NPTN: variants seen among roughly 807,000 people sequenced by gnomAD.
NPTN encodes neuroplastin.
NPTN carries 5 observed loss-of-function variants against 42.7 expected under a neutral mutation model. That is an observed-to-expected ratio of 0.12 (90% confidence interval 0.06 to 0.25). The LOEUF is 0.25. Among genes scored for constraint, NPTN ranks in the 10% least tolerant of loss-of-function variants. The probability of loss-of-function intolerance (pLI) is 1.00; values close to 1 mark genes in which losing one functional copy is unlikely to be tolerated. For missense variants in NPTN, 307 were observed against 525.4 expected (o/e 0.58, Z 4.06); for synonymous variants, 180 against 201.9 (o/e 0.89, Z 0.92).
At chr15:73,591,935 C>T (rs1437896508) in intron 3 of NPTN, 31 bp downstream of exon 3, 2 of 1,586,888 alleles carry the variant, frequency 1.3e-6, no homozygotes, top group African/African-American at 2.7e-5. Flanking sequence ...CACTCCCTCC[C>T]ACCTTCCCAG....
chr15:73,616,321 C>T (rs1010712969), intron 1 of NPTN, among the ~76,000 whole-genome samples: 1 of 152,114 alleles, frequency 6.6e-6, no homozygotes, highest in Non-Finnish European at 1.5e-5. Flanking sequence ...CCTAAAGATT[C>T]TTTGGAACAC....
At chr15:73,576,152 AT>A (rs993199608) in intron 4 of NPTN, among the ~76,000 whole-genome samples, 1 of 152,170 alleles carries the variant, frequency 6.6e-6, no homozygotes, top group Non-Finnish European at 1.5e-5. Context: ...AAGGGTTACC[AT>A]GTGCTGCTCC....
Position 73,633,138 on chromosome 15 carries a change from G to A in NPTN, c.78C>T (p.Gly26=). Residue 26 remains glycine, a synonymous_variant, in exon 1 of 9, where the codon GGC becomes GGT. Transcript: ENST00000345330. ...LVSGSLLPGP[G]AAQNAGFVKS... is the part of the protein sequence containing the mutation. ...CGCCCCGCTTACCGTTCTGAGCGGCGCCTGGCCCTGGGAGGAGGGAGCCAG... is the reference window on the plus strand; with the variant it reads ...CGCCCCGCTTACCGTTCTGAGCGGCACCTGGCCCTGGGAGGAGGGAGCCAG... The A allele has an allele frequency of 6.7e-7, 1 of 1,493,752 alleles. No homozygotes were observed. Among genetic ancestry groups the A allele is most frequent in the Non-Finnish European group, 8.9e-7 (1 of 1,129,262 alleles). 92.5% of individuals were successfully genotyped at this position (1,493,752 alleles called of 1,614,324 possible).
At chr15:73,630,037 T>C (rs988667257) in intron 1 of NPTN, among the ~76,000 whole-genome samples, 10 of 152,144 alleles carry the variant, frequency 6.6e-5, no homozygotes, top group Non-Finnish European at 1.3e-4. Flanking sequence ...AACAATCAAG[T>C]TTTCAATATA....
At chr15:73,613,823 T>C (rs537852867) in intron 1 of NPTN, among the ~76,000 whole-genome samples, 2 of 151,950 alleles carry the variant, frequency 1.3e-5, no homozygotes, top group African/African-American at 4.8e-5. Context: ...GTAACTGGGA[T>C]TACAGGCGCC....
At chr15:73,566,319 G>A (rs1299205783) in intron 6 of NPTN, among the ~76,000 whole-genome samples, 4 of 152,156 alleles carry the variant, frequency 2.6e-5, no homozygotes, top group Non-Finnish European at 4.4e-5. Flanking sequence ...TCATTCTAAA[G>A]TGTCTAAAAG....
rs149640107 is a variant in NPTN at position 73,580,441 on chromosome 15, A to T, written c.707-6646T>A. Among the ~76,000 whole-genome samples, 549 of 113,710 alleles carry T rather than the reference A, an allele frequency of 4.8e-3. 11 individuals are homozygous for T. Among genetic ancestry groups the T allele is most frequent in the African/African-American group, 0.021 (497 of 23,966 alleles). The allele number at this position is 113,710 out of a possible 152,430, so 74.6% of individuals were successfully genotyped here. A position where few individuals can be genotyped will look rare whatever the true frequency, so the allele number is the denominator to read the frequency against. On this transcript the variant is annotated intron_variant, in intron 4 of 8. Transcript: ENST00000345330. ...TATATAATATATATATAATATATAT[A>T]ATATATATGTATATATACAAAATAT...
intron 1 of NPTN, among the ~76,000 whole-genome samples, chr15:73,625,650 T>C (rs1292571062): frequency 1.3e-5 from 2 of 152,174 alleles, no homozygotes; most frequent in Non-Finnish European, 2.9e-5. Flanking sequence ...ATTTTTCAAG[T>C]AATTTCAACA....
At chr15:73,604,836 T>C (rs1354396947) in intron 1 of NPTN, among the ~76,000 whole-genome samples, 2 of 152,172 alleles carry the variant, frequency 1.3e-5, no homozygotes, top group Non-Finnish European at 2.9e-5. Context: ...AGGTAAAGAA[T>C]GATCTAAGGC....
intron 4 of NPTN, among the ~76,000 whole-genome samples, chr15:73,574,348 A>G (rs1454744651): frequency 6.6e-6 from 1 of 152,232 alleles, no homozygotes; most frequent in Admixed American, 6.5e-5. Flanking sequence ...GAGGGAATCC[A>G]GAAACTGGTC....
At chr15:73,612,033 T>C (rs1293870025) in intron 1 of NPTN, among the ~76,000 whole-genome samples, 1 of 152,122 alleles carries the variant, frequency 6.6e-6, no homozygotes, top group African/African-American at 2.4e-5. Context: ...AAATGATACA[T>C]AAATGCAAAG....
intron 4 of NPTN, among the ~76,000 whole-genome samples, chr15:73,581,368 A>AG (rs1566966620): frequency 6.6e-6 from 1 of 152,098 alleles, no homozygotes; most frequent in East Asian, 1.9e-4. Flanking sequence ...TTACCCTCTT[A>AG]GGGGGGCACA....
chr15:73,619,470 G>C (rs1898025367), intron 1 of NPTN, among the ~76,000 whole-genome samples: 2 of 152,078 alleles, frequency 1.3e-5, no homozygotes, highest in African/African-American at 4.8e-5. Context: ...CACTTCTATG[G>C]AACAACTTAA....
Position 73,575,974 on chromosome 15 carries a change from C to T in NPTN, c.707-2179G>A, listed in dbSNP as rs555908382. On this transcript the variant is annotated intron_variant, in intron 4 of 8. Transcript: ENST00000345330. ...TCTTACTACAGAAGGAAGTGGTCAA[C>T]CTGGCTCTATCTCATTCCCACAAAG... Among the ~76,000 whole-genome samples, 33 of 152,322 alleles carry T rather than the reference C, an allele frequency of 2.2e-4. No homozygotes were observed. The South Asian group carries it at 2.7e-3, about 12-fold the overall frequency.
intron 3 of NPTN, among the ~76,000 whole-genome samples, chr15:73,589,561 T>C (rs530447488): frequency 7.9e-5 from 12 of 152,240 alleles, no homozygotes; most frequent in African/African-American, 2.6e-4. Flanking sequence ...AATAGTTATA[T>C]AGGGCTGAGT....
chr15:73,620,758 C>T (rs1241385273), intron 1 of NPTN, among the ~76,000 whole-genome samples: 1 of 152,182 alleles, frequency 6.6e-6, no homozygotes, highest in East Asian at 1.9e-4. Context: ...AAGAGCTGTT[C>T]ACCTTTTCAG....
intron 2 of NPTN, among the ~76,000 whole-genome samples, chr15:73,593,382 C>T (rs1896686925): frequency 6.6e-6 from 1 of 152,190 alleles, no homozygotes; most frequent in African/African-American, 2.4e-5. Flanking sequence ...CTTTTCCCAA[C>T]CACAATAAGA....
Position 73,560,221 on chromosome 15 carries a change from T to C in NPTN, c.*842A>G, listed in dbSNP as rs962061565. On this transcript the variant is annotated 3_prime_UTR_variant, in exon 9 of 9. Coordinates refer to ENST00000345330, the MANE Select transcript of NPTN (RefSeq NM_012428.4). ...ACCAAAAAGTATAACTATAGTTGCA[T>C]AGAATATTACCATGCTATAACATTT... 10 of 219,820 alleles carry C rather than the reference T, an allele frequency of 4.5e-5. No individual in the cohort carries two copies. Among genetic ancestry groups the C allele is most frequent in the Non-Finnish European group, 2.7e-5 (3 of 112,732 alleles). The allele number at this position is 219,820 out of a possible 1,614,324, so 13.6% of individuals were successfully genotyped here.
At chr15:73,567,464 G>A in intron 6 of NPTN, 4 of 985,264 alleles carry the variant, frequency 4.1e-6, no homozygotes, top group South Asian at 4.7e-5. Context: ...ATTCCAAAAG[G>A]AGTGTACGTA....
Sources: allele counts gnomAD v4.1 joint callset (sites outside exome capture counted in the v4.1 genomes callset), GRCh38; gene constraint gnomAD v4.1.1; transcripts MANE v1.5; gene names NCBI Gene and HGNC (gene_info 2026-07-23, HGNC 2026-07-21).